SF3B3: variants seen among roughly 807,000 people sequenced by gnomAD.
SF3B3 encodes the protein splicing factor 3b subunit 3.
SF3B3 carries 33 observed loss-of-function variants against 139.2 expected under a neutral mutation model. The ratio of observed to expected loss-of-function variants is 0.24; its 90% CI spans 0.18 to 0.32. The LOEUF (loss-of-function observed/expected upper bound fraction) is 0.32, where lower values mean the gene tolerates loss of function less well. SF3B3 is among the 10% of genes least tolerant of loss of function. SF3B3 has a pLI of 1.00. For missense variants in SF3B3, 818 were observed against 1,509.4 expected (o/e 0.54, Z 7.59); for synonymous variants, 596 against 563.6 (o/e 1.06, Z -0.81).
Position 70,570,352 on chromosome 16 carries a change from C to T in SF3B3, c.3408+203C>T, listed in dbSNP as rs1410356867. Among the ~76,000 whole-genome samples the T allele has an allele frequency of 1.3e-4, 6 of 46,108 alleles. No individual in the cohort carries two copies. In the South Asian group the frequency reaches 4.5e-3, roughly 35 times the overall value. The allele number at this position is 46,108 out of a possible 152,430, so 30.2% of individuals were successfully genotyped here. A position where few individuals can be genotyped will look rare whatever the true frequency, so the allele number is the denominator to read the frequency against. On this transcript the variant is annotated intron_variant, in intron 24 of 25. Transcript: ENST00000302516. ...CATTTGGTTTTTTTTTTTTTTTTTG[C>T]GACGGAGTCTCACTGTTACCCGGGC...
At chr16:70,537,390 C>T (rs2050178784) in intron 6 of SF3B3, among the ~76,000 whole-genome samples, 2 of 152,130 alleles carry the variant, frequency 1.3e-5, no homozygotes, top group Admixed American at 1.3e-4. Context: ...TAATGAATAT[C>T]CCTCTTCCTG....
intron 8 of SF3B3, 123 bp downstream of exon 8, chr16:70,539,330 C>G: frequency 1.4e-6 from 1 of 714,166 alleles, no homozygotes; most frequent in Non-Finnish European, 2.5e-6. Flanking sequence ...GGTGAATCAC[C>G]TGAGGTAAGG....
intron 11 of SF3B3, 33 bp from the exon 12 acceptor site, chr16:70,554,413 T>C (rs1198452944): frequency 7.5e-6 from 12 of 1,609,974 alleles, no homozygotes; most frequent in African/African-American, 1.3e-5. Context: ...TAATGAGTTC[T>C]TATCTAACCA....
At chr16:70,568,712 G>A (rs909534140) in intron 22 of SF3B3, among the ~76,000 whole-genome samples, 2 of 152,100 alleles carry the variant, frequency 1.3e-5, no homozygotes, top group African/African-American at 2.4e-5. Context: ...CCTATTGAAC[G>A]TGATTTAATG....
chr16:70,567,648 G>A, intron 21 of SF3B3, 112 bp downstream of exon 21: 1 of 1,272,442 alleles, frequency 7.9e-7, no homozygotes, highest in Middle Eastern at 2.2e-4. Context: ...GACTTGTTGT[G>A]TTACCCCAAT....
intron 10 of SF3B3, among the ~76,000 whole-genome samples, chr16:70,545,011 T>C (rs1323758853): frequency 6.6e-6 from 1 of 152,248 alleles, no homozygotes; most frequent in Non-Finnish European, 1.5e-5. Flanking sequence ...TTTTTGTATC[T>C]TATTAAATTT....
At chr16:70,536,572 C>T (rs528783636) in intron 6 of SF3B3, among the ~76,000 whole-genome samples, 8 of 151,820 alleles carry the variant, frequency 5.3e-5, no homozygotes, top group African/African-American at 1.4e-4. Context: ...TGGGTTTCAC[C>T]GTGATCTCAA....
At position 70,526,655 on chromosome 16, in the gene SF3B3, C is replaced by T. The variant is rs1234079138; in HGVS notation, c.-2C>T. ...TCTGGGTGGCTCAGGTTTCCTGCAG[C>T]CATGTTTCTGTACAACTTAACCTTG... is the stretch of plus-strand genomic sequence containing the variant. On this transcript the variant is annotated 5_prime_UTR_variant, in exon 2 of 26. Transcript: ENST00000302516. The T allele has an allele frequency of 6.2e-7, 1 of 1,613,388 alleles. No homozygotes were observed. Among genetic ancestry groups the T allele is most frequent in the Admixed American group, 1.7e-5 (1 of 59,934 alleles).
intron 25 of SF3B3, among the ~76,000 whole-genome samples, chr16:70,571,452 A>C (rs2050528540): frequency 6.6e-6 from 1 of 152,168 alleles, no homozygotes; most frequent in Non-Finnish European, 1.5e-5. Flanking sequence ...GCGTGGTGGC[A>C]CACATTTGTG....
At chr16:70,539,883 T>C (rs1277917883) in intron 8 of SF3B3, among the ~76,000 whole-genome samples, 1 of 151,184 alleles carries the variant, frequency 6.6e-6, no homozygotes, top group African/African-American at 2.4e-5. Context: ...TTCAAGCAAT[T>C]CTCCTGCCTC....
At position 70,548,399 on chromosome 16, in the gene SF3B3, T is replaced by G; in HGVS notation, c.1359T>G (p.Pro453=). The G allele has an allele frequency of 6.2e-7, 1 of 1,614,112 alleles. No individual in the cohort carries two copies. Among genetic ancestry groups the G allele is most frequent in the Non-Finnish European group, 8.5e-7 (1 of 1,180,030 alleles). ...CAGAAATGGCTGTTTCTGAGCTACC[T>G]GGTAACCCCAACGCTGTCTGGACAG... ...EVSEMAVSEL[P]GNPNAVWTVR... Residue 453 remains proline, a synonymous_variant, in exon 11 of 26, where the codon CCT becomes CCG. Transcript: ENST00000302516.
intron 9 of SF3B3, 114 bp from the exon 10 acceptor site, chr16:70,544,324 A>T: frequency 1.5e-6 from 1 of 669,878 alleles, no homozygotes; most frequent in Non-Finnish European, 2.7e-6. Context: ...TCACATATTG[A>T]TCAGCAGATA....
intron 23 of SF3B3, among the ~76,000 whole-genome samples, chr16:70,569,356 G>T (rs1311573628): frequency 6.6e-6 from 1 of 152,192 alleles, no homozygotes; most frequent in Non-Finnish European, 1.5e-5. Flanking sequence ...GCTCTGAGGT[G>T]TGTCCTGGGC....
At chr16:70,533,230 C>T (rs1025164943) in intron 5 of SF3B3, among the ~76,000 whole-genome samples, 2 of 152,062 alleles carry the variant, frequency 1.3e-5, no homozygotes, top group Non-Finnish European at 1.5e-5. Context: ...TGGCTCACGC[C>T]TATAACCCTA....
At chr16:70,534,740 C>G (rs1415199211) in intron 5 of SF3B3, among the ~76,000 whole-genome samples, 2 of 152,188 alleles carry the variant, frequency 1.3e-5, no homozygotes, top group Admixed American at 6.5e-5. Flanking sequence ...ACGATCTTGG[C>G]TCACTACAAC....
In SF3B3 at chr16:70,567,589, G is replaced by A; in HGVS notation, c.2952+53G>A. ...TCTAGCTCATGTGTCAAGGGTGGGGGCATTGGTGGGGTGGTGGGCATTGAG... is the reference window on the plus strand; with the variant it reads ...TCTAGCTCATGTGTCAAGGGTGGGGACATTGGTGGGGTGGTGGGCATTGAG... On this transcript the variant is annotated intron_variant, in intron 21 of 25. Transcript: ENST00000302516. 2.5e-6 allele frequency: 4 copies of A among 1,570,016 alleles called. No individual in the cohort carries two copies. The African/African-American group carries it at 4.1e-5, about 16-fold the overall frequency.
At position 70,571,855 on chromosome 16, in the gene SF3B3, T is replaced by G; in HGVS notation, c.*42T>G. The G allele has an allele frequency of 6.3e-7, 1 of 1,576,448 alleles. No homozygotes were observed. Among genetic ancestry groups the G allele is most frequent in the Non-Finnish European group, 8.6e-7 (1 of 1,162,940 alleles). On this transcript the variant is annotated 3_prime_UTR_variant, in exon 26 of 26. Coordinates refer to ENST00000302516, the MANE Select transcript of SF3B3 (RefSeq NM_012426.5). ...GGGGCTTGCCAGAGACTGTGTGTTT[T>G]GTTTCCCCCACCACCATCACTGCCA...
chr16:70,565,608 G>T, intron 20 of SF3B3, 84 bp downstream of exon 20: 1 of 1,259,372 alleles, frequency 7.9e-7, no homozygotes, highest in Non-Finnish European at 1.1e-6. Context: ...CAGGTCTTTT[G>T]GGGACCAGCT....
At chr16:70,542,601 A>C (rs879824098) in intron 9 of SF3B3, among the ~76,000 whole-genome samples, 3 of 152,230 alleles carry the variant, frequency 2.0e-5, no homozygotes, top group Non-Finnish European at 4.4e-5. Context: ...GAAACAAGTC[A>C]GCATTCAGAC....
Sources: allele counts gnomAD v4.1 joint callset (sites outside exome capture counted in the v4.1 genomes callset), GRCh38; gene constraint gnomAD v4.1.1; transcripts MANE v1.5; gene names NCBI Gene and HGNC (gene_info 2026-07-23, HGNC 2026-07-21).